Variants in TAFA2 observed in about 807,000 individuals in gnomAD.
TAFA2 encodes the protein TAFA chemokine like family member 2.
A neutral mutation model predicts 18.8 loss-of-function variants in TAFA2; 7 were observed. The observed-to-expected ratio is 0.37, with a 90% CI of 0.21 to 0.70. The LOEUF (loss-of-function observed/expected upper bound fraction) is 0.70, where lower values mean the gene tolerates loss of function less well. TAFA2 is among the 30% of genes least tolerant of loss of function. TAFA2 has a pLI of 0.53. For synonymous variants in TAFA2, 60 were observed against 54.2 expected, an observed-to-expected ratio of 1.11 and a Z score of -0.47; for missense variants, 122 against 158.1, an observed-to-expected ratio of 0.77 and a Z score of 1.23.
intron 1 of TAFA2, among the ~76,000 whole-genome samples, chr12:62,117,702 C>G (rs1870019759): frequency 6.6e-6 from 1 of 151,946 alleles, no homozygotes; most frequent in Admixed American, 6.6e-5. Flanking sequence ...GTGATAGACA[C>G]AGATAACCTG....
At chr12:61,732,150 A>T (rs1870479155) in intron 4 of TAFA2, among the ~76,000 whole-genome samples, 1 of 152,088 alleles carries the variant, frequency 6.6e-6, no homozygotes, top group Non-Finnish European at 1.5e-5. Context: ...TTTCAGTAAG[A>T]GCATATGGAG....
At chr12:62,200,186 TTC>T (rs1315488131) in intron 1 of TAFA2, among the ~76,000 whole-genome samples, 2 of 152,236 alleles carry the variant, frequency 1.3e-5, no homozygotes, top group Non-Finnish European at 1.5e-5. Flanking sequence ...CTGCAAAATT[TTC>T]TCTCATTCTG....
At chr12:61,925,374 A>G (rs543916774) in intron 1 of TAFA2, among the ~76,000 whole-genome samples, 1 of 152,344 alleles carries the variant, frequency 6.6e-6, no homozygotes, top group African/African-American at 2.4e-5. Flanking sequence ...AATGGAAATC[A>G]TAACAAACAG....
At chr12:62,179,247 G>A (rs2062535771) in intron 1 of TAFA2, among the ~76,000 whole-genome samples, 1 of 152,144 alleles carries the variant, frequency 6.6e-6, no homozygotes, top group African/African-American at 2.4e-5. Flanking sequence ...GAAGAATTAT[G>A]ACACATTCCT....
At chr12:62,213,263 T>C (rs887402693) in intron 1 of TAFA2, among the ~76,000 whole-genome samples, 1 of 152,142 alleles carries the variant, frequency 6.6e-6, no homozygotes, top group African/African-American at 2.4e-5. Flanking sequence ...AATCCCTAGG[T>C]GTACTCTGTT....
intron 1 of TAFA2, chr12:62,234,431 G>C: frequency 4.0e-6 from 3 of 758,066 alleles, no homozygotes. Context: ...TTGTTGGCCC[G>C]TGGGTCTGAG....
intron 1 of TAFA2, among the ~76,000 whole-genome samples, chr12:62,097,918 G>T (rs1869018609): frequency 6.6e-6 from 1 of 152,110 alleles, no homozygotes. Context: ...AAAGTTTAAA[G>T]ATGTCTTAAG....
chr12:62,217,920 A>G (rs2062742645), intron 1 of TAFA2, among the ~76,000 whole-genome samples: 1 of 152,154 alleles, frequency 6.6e-6, no homozygotes, highest in Admixed American at 6.5e-5. Flanking sequence ...TTTACTTCTG[A>G]ACTTTTCAAA....
intron 1 of TAFA2, among the ~76,000 whole-genome samples, chr12:62,187,941 A>C (rs534700364): frequency 6.6e-6 from 1 of 152,340 alleles, no homozygotes; most frequent in Non-Finnish European, 1.5e-5. Context: ...AATAAAGTTA[A>C]CCAAAGAATT....
intron 1 of TAFA2, among the ~76,000 whole-genome samples, chr12:62,225,109 A>C (rs1431754819): frequency 6.6e-6 from 1 of 152,130 alleles, no homozygotes; most frequent in African/African-American, 2.4e-5. Context: ...AAAATTTAAA[A>C]AAAAAAGTTG....
chr12:61,899,867 C>G (rs374644605), intron 1 of TAFA2, among the ~76,000 whole-genome samples: 15 of 152,288 alleles, frequency 9.8e-5, no homozygotes, highest in East Asian at 3.9e-4. Context: ...TATAAGTGAT[C>G]TAGAGATGAT....
At chr12:61,917,389 C>A (rs2121356657) in intron 1 of TAFA2, among the ~76,000 whole-genome samples, 1 of 152,292 alleles carries the variant, frequency 6.6e-6, no homozygotes, top group South Asian at 2.1e-4. Context: ...ATATCCAGCT[C>A]TTTGTGTAGT....
At chr12:61,883,333 C>T (rs148052594) in intron 1 of TAFA2, among the ~76,000 whole-genome samples, 1 of 152,312 alleles carries the variant, frequency 6.6e-6, no homozygotes, top group East Asian at 1.9e-4. Flanking sequence ...TTATTTACTA[C>T]ACATGTGTCA....
At chr12:62,259,683 A>G (rs2062976417), upstream of TAFA2, 1 of 152,194 alleles carries the variant, frequency 6.6e-6, no homozygotes, top group South Asian at 2.1e-4. Context: ...AGTATCTGGC[A>G]TTATTCAATA....
intron 1 of TAFA2, among the ~76,000 whole-genome samples, chr12:62,187,453 G>A (rs996080038): frequency 2.0e-5 from 3 of 152,066 alleles, no homozygotes; most frequent in African/African-American, 7.2e-5. Flanking sequence ...ACCCTGTTAC[G>A]TAAAACCAGT....
chr12:62,216,150 T>G (rs1350235005), intron 1 of TAFA2, among the ~76,000 whole-genome samples: 1 of 151,958 alleles, frequency 6.6e-6, no homozygotes, highest in Non-Finnish European at 1.5e-5. Context: ...CATATGGGGG[T>G]AAAGTAACAA....
In TAFA2 at chr12:61,722,992, A is replaced by C. The variant is rs577113019; in HGVS notation, c.385-12575T>G. ...GATTAGACCCCAAACACCCAGATTCATCTCCCCTTCTTCCCAATGTCTCCA... is the reference window on the plus strand; with the variant it reads ...GATTAGACCCCAAACACCCAGATTCCTCTCCCCTTCTTCCCAATGTCTCCA... On this transcript the variant is annotated intron_variant, in intron 4 of 4. Coordinates refer to ENST00000416284, the MANE Select transcript of TAFA2 (RefSeq NM_178539.5). Among the ~76,000 whole-genome samples, 5 of 152,110 alleles carry C rather than the reference A, an allele frequency of 3.3e-5. No homozygotes were observed. In the South Asian group the frequency reaches 1.0e-3, roughly 32 times the overall value.
chr12:61,827,041 A>G (rs1872558240), intron 2 of TAFA2: 1 of 152,022 alleles, frequency 6.6e-6, no homozygotes, highest in African/African-American at 2.4e-5. Context: ...ACCACTTACA[A>G]TACACCAAGC....
rs1232380647 is a variant in TAFA2 at position 62,060,500 on chromosome 12, TTAA to T, written c.-2+130756_-2+130758del. 1.4e-4 allele frequency among the ~76,000 whole-genome samples: 22 copies of T among 152,350 alleles called. No individual in the cohort carries two copies. In the East Asian group the frequency reaches 3.5e-3, roughly 24 times the overall value. ...TACAATAATGTACAATACATAATAC[TTAA>T]TAATAACAATAAATGACAATGTTAT... On this transcript the variant is annotated intron_variant, in intron 1 of 4. Transcript: ENST00000416284.
Sources: gnomAD v4.1 joint callset for allele counts (sites outside exome capture counted in the v4.1 genomes callset) on GRCh38, gnomAD v4.1.1 for gene constraint, MANE v1.5 for transcripts, NCBI Gene and HGNC (gene_info 2026-07-23, HGNC 2026-07-21) for gene names.